ENPP3: variants seen among roughly 807,000 people sequenced by gnomAD.
ENPP3 encodes the protein ectonucleotide pyrophosphatase/phosphodiesterase 3, also known as ectonucleotide pyrophosphatase/phosphodiesterase family member 3.
In ENPP3, 104 loss-of-function variants were observed where a neutral mutation model predicts 117.8. The observed-to-expected ratio is 0.88, with a 90% CI of 0.75 to 1.04. The LOEUF (loss-of-function observed/expected upper bound fraction) is 1.04, where lower values mean the gene tolerates loss of function less well. ENPP3 is among the 50% of genes least tolerant of loss of function. The pLI is 0.00. For synonymous variants in ENPP3, 380 were observed against 349.9 expected (o/e 1.09, Z -0.96); for missense variants, 1,026 against 1,051.9 (o/e 0.98, Z 0.34).
rs376994452 is a variant in ENPP3 at position 131,733,630 on chromosome 6, C to T, written c.1996C>T (p.Arg666Trp). 3.6e-5 allele frequency: 58 copies of T among 1,614,056 alleles called. No homozygotes were observed. The highest frequency in any genetic ancestry group is 4.6e-5 in the Non-Finnish European group (54 of 1,179,950). ...GCCTCCCACTGTCCCAGACTGTCTG[C>T]GGGCTGATGTCAGGGTTCCTCCTTC... The part of the protein sequence containing the change: ...PLPPTVPDCL[R>W]ADVRVPPSES... Residue 666 changes from arginine to tryptophan, a missense_variant, in exon 21 of 25, where the codon CGG (arginine) becomes TGG (tryptophan). Transcript: ENST00000357639.
intron 15 of ENPP3, among the ~76,000 whole-genome samples, chr6:131,699,221 G>C (rs535940716): frequency 1.2e-3 from 134 of 110,080 alleles, no homozygotes; most frequent in African/African-American, 4.9e-3. Context: ...CTGGGCTATA[G>C]AGCAAGACTG....
intron 6 of ENPP3, among the ~76,000 whole-genome samples, chr6:131,667,107 ATTTTG>A (rs1585638512): frequency 6.6e-6 from 1 of 151,632 alleles, no homozygotes; most frequent in South Asian, 2.1e-4. Context: ...TGGGGTCTGG[ATTTTG>A]TTTTGTTTTG....
chr6:131,658,469 A>C (rs574616461), intron 6 of ENPP3, 49 bp downstream of exon 6: 1 of 983,440 alleles, frequency 1.0e-6, no homozygotes, highest in Admixed American at 1.8e-5. Flanking sequence ...ACACCTAGTT[A>C]GTCAATCTCT....
chr6:131,719,443 A>T (rs1439721258), intron 16 of ENPP3, among the ~76,000 whole-genome samples: 1 of 151,980 alleles, frequency 6.6e-6, no homozygotes, highest in Non-Finnish European at 1.5e-5. Context: ...ATAGAAAAAA[A>T]AATGTATTAG....
intron 15 of ENPP3, among the ~76,000 whole-genome samples, chr6:131,703,648 T>A (rs907898116): frequency 5.5e-5 from 8 of 144,524 alleles, no homozygotes; most frequent in African/African-American, 2.2e-4. Context: ...AGATGACTGC[T>A]GTGTAAGAAC....
At position 131,740,388 on chromosome 6, in the gene ENPP3, T is replaced by C; in HGVS notation, c.2457+8T>C. The stretch of plus-strand genomic sequence containing the variant: ...AACGTGGAGAGCTGTCCTGTGAGTA[T>C]GCTTTGGGAGGGTCCAGGACCCGAG... On this transcript the variant is annotated splice_region_variant and intron_variant, in intron 24 of 24. Transcript: ENST00000357639. 3.8e-6 allele frequency: 6 copies of C among 1,598,550 alleles called. No individual in the cohort carries two copies. The highest frequency in any genetic ancestry group is 5.1e-6 in the Non-Finnish European group (6 of 1,172,518).
rs151026464 is a variant in ENPP3 at position 131,740,927 on chromosome 6, C to T, written c.2457+547C>T. On this transcript the variant is annotated intron_variant, in intron 24 of 24. Transcript: ENST00000357639. ...CCAGAACTTATTTTTATTCTGGCCA[C>T]AAATCTTAAAGTTCTTCCCAATGTT... 3.3e-4 allele frequency among the ~76,000 whole-genome samples: 50 copies of T among 152,196 alleles called. No individual in the cohort carries two copies. The East Asian group carries it at 8.1e-3, about 25-fold the overall frequency.
At chr6:131,697,587 G>A (rs968314193) in intron 15 of ENPP3, among the ~76,000 whole-genome samples, 4 of 151,748 alleles carry the variant, frequency 2.6e-5, no homozygotes, top group African/African-American at 9.7e-5. Flanking sequence ...CCTGCAACTA[G>A]ATGGTCCTAT....
Position 131,655,968 on chromosome 6 carries a change from T to G in ENPP3, c.465-2355T>G, listed in dbSNP as rs147691360. ...GGAAAATGGACAATGATGATTCTGCTCACTATGAATAATAAGTGCTGCTAA... is the reference window on the plus strand; with the variant it reads ...GGAAAATGGACAATGATGATTCTGCGCACTATGAATAATAAGTGCTGCTAA... On this transcript the variant is annotated intron_variant, in intron 5 of 24. Coordinates refer to ENST00000357639, the MANE Select transcript of ENPP3 (RefSeq NM_005021.5). Among the ~76,000 whole-genome samples, 429 of 152,308 alleles carry G rather than the reference T, an allele frequency of 2.8e-3. 15 individuals carry two copies. In the East Asian group the frequency reaches 0.071, roughly 25 times the overall value.
intron 11 of ENPP3, among the ~76,000 whole-genome samples, chr6:131,682,263 G>A (rs998393788): frequency 4.6e-5 from 7 of 152,092 alleles, no homozygotes; most frequent in Admixed American, 3.9e-4. Context: ...AGAGGCTGAG[G>A]CAGGAGGATC....
At chr6:131,707,210 GTC>G (rs1779662098) in intron 15 of ENPP3, among the ~76,000 whole-genome samples, 1 of 151,440 alleles carries the variant, frequency 6.6e-6, no homozygotes, top group African/African-American at 2.4e-5. Context: ...TTTGTCTATT[GTC>G]TAATTTATGT....
At chr6:131,683,601 C>T (rs1048261914) in intron 12 of ENPP3, among the ~76,000 whole-genome samples, 4 of 152,072 alleles carry the variant, frequency 2.6e-5, no homozygotes, top group Non-Finnish European at 4.4e-5. Context: ...TTTAAAGTTA[C>T]TGTCACCTCA....
At chr6:131,674,421 A>C (rs1339419025) in intron 8 of ENPP3, 140 bp downstream of exon 8, 2 of 763,068 alleles carry the variant, frequency 2.6e-6, no homozygotes, top group Admixed American at 4.1e-5. Context: ...GTGTTTTACC[A>C]CTATTTGTAA....
At chr6:131,691,201 TG>T (rs1779269321) in intron 14 of ENPP3, among the ~76,000 whole-genome samples, 1 of 152,260 alleles carries the variant, frequency 6.6e-6, no homozygotes, top group East Asian at 1.9e-4. Context: ...GAGCTTATTC[TG>T]GACAGAATTA....
chr6:131,668,330 G>A (rs1378103740), intron 6 of ENPP3, among the ~76,000 whole-genome samples: 19 of 141,676 alleles, frequency 1.3e-4, no homozygotes, highest in African/African-American at 4.7e-4. Context: ...CTCCTGTCTC[G>A]CCCCCCCCTG....
rs571955428 is a variant in ENPP3 at position 131,659,950 on chromosome 6, A to G, written c.562+1530A>G. ...CCATTGAGAATTAGAAATGACATCA[A>G]TGAAATATTCAGCCACTAAGAGCTT... On this transcript the variant is annotated intron_variant, in intron 6 of 24. Transcript: ENST00000357639. Among the ~76,000 whole-genome samples, 509 of 152,338 alleles carry G rather than the reference A, an allele frequency of 3.3e-3. 3 individuals are homozygous for G. The highest frequency in any genetic ancestry group is 0.012 in the African/African-American group (491 of 41,582).
chr6:131,732,633 G>C (rs1780306041), intron 20 of ENPP3, among the ~76,000 whole-genome samples: 1 of 151,050 alleles, frequency 6.6e-6, no homozygotes, highest in South Asian at 2.1e-4. Flanking sequence ...TCGGACTCTT[G>C]ACCTCCAGTG....
chr6:131,687,618 C>A (rs534396810), intron 14 of ENPP3, among the ~76,000 whole-genome samples: 1 of 152,194 alleles, frequency 6.6e-6, no homozygotes, highest in Non-Finnish European at 1.5e-5. Context: ...GGCCTAATAT[C>A]CAGAATCTAT....
chr6:131,719,568 A>G (rs1779971972), intron 16 of ENPP3, among the ~76,000 whole-genome samples: 1 of 152,136 alleles, frequency 6.6e-6, no homozygotes, highest in Admixed American at 6.5e-5. Context: ...TTGGGGTACT[A>G]TGTAATAGTT....
Sources: allele counts gnomAD v4.1 joint callset (sites outside exome capture counted in the v4.1 genomes callset), GRCh38; gene constraint gnomAD v4.1.1; transcripts MANE v1.5; gene names NCBI Gene and HGNC (gene_info 2026-07-23, HGNC 2026-07-21).